Variants in OR51B5 observed in about 807,000 individuals in gnomAD.
The protein encoded by OR51B5 is olfactory receptor 51B5.
For synonymous variants in OR51B5, 186 were observed against 144.8 expected (o/e 1.28, Z -2.04); for missense variants, 456 against 374.6 (o/e 1.22, Z -1.79).
chr11:5,402,529 T>C (rs79081522), intron 1 of OR51B5: 27,891 of 389,294 alleles, frequency 0.072, 1,234 homozygotes, highest in African/African-American at 0.12. Flanking sequence ...TTCTTCATAA[T>C]GATGTCATCT....
intron 1 of OR51B5, among the ~76,000 whole-genome samples, chr11:5,404,230 C>T (rs1051615489): frequency 1.3e-5 from 2 of 152,014 alleles, no homozygotes; most frequent in East Asian, 3.9e-4. Flanking sequence ...TGTAAATGCA[C>T]CAATCAGTTC....
chr11:5,369,479 T>C (rs1849419441), intron 1 of OR51B5, among the ~76,000 whole-genome samples: 1 of 152,160 alleles, frequency 6.6e-6, no homozygotes, highest in Non-Finnish European at 1.5e-5. Context: ...AAAAATAAAA[T>C]CTGATAATTT....
intron 1 of OR51B5, among the ~76,000 whole-genome samples, chr11:5,487,286 A>T (rs1181668201): frequency 6.6e-6 from 1 of 152,120 alleles, no homozygotes; most frequent in African/African-American, 2.4e-5. Flanking sequence ...TTTAGGAAAA[A>T]ATAGGGGAAT....
At chr11:5,386,475 G>A (rs1849697753) in intron 1 of OR51B5, among the ~76,000 whole-genome samples, 1 of 152,208 alleles carries the variant, frequency 6.6e-6, no homozygotes, top group Non-Finnish European at 1.5e-5. Context: ...AAATATTCAT[G>A]ATTATGTCAA....
intron 1 of OR51B5, among the ~76,000 whole-genome samples, chr11:5,444,356 A>G (rs1850733400): frequency 1.3e-5 from 2 of 152,166 alleles, no homozygotes; most frequent in African/African-American, 2.4e-5. Flanking sequence ...TATCCTTGAG[A>G]CAAAAATCTA....
chr11:5,417,839 G>C (rs1850266175), intron 1 of OR51B5, among the ~76,000 whole-genome samples: 1 of 48,208 alleles, frequency 2.1e-5, no homozygotes, highest in Admixed American at 2.9e-4. Context: ...TTGTAAACTA[G>C]TTCAACCATT....
chr11:5,464,293 A>AT (rs1851099773), intron 1 of OR51B5, among the ~76,000 whole-genome samples: 1 of 152,168 alleles, frequency 6.6e-6, no homozygotes, highest in African/African-American at 2.4e-5. Context: ...AAGGTTGATA[A>AT]TTTTTTAATT....
At chr11:5,350,198 A>C (rs1170435979) in intron 1 of OR51B5, among the ~76,000 whole-genome samples, 1 of 152,102 alleles carries the variant, frequency 6.6e-6, no homozygotes, top group Non-Finnish European at 1.5e-5. Flanking sequence ...AGAAGACAGA[A>C]ATCACTAGTA....
intron 1 of OR51B5, among the ~76,000 whole-genome samples, chr11:5,428,570 TTTTATATTAGAAAGTA>T (rs55956299): frequency 0.14 from 21,025 of 152,180 alleles, 1,773 homozygotes; most frequent in Non-Finnish European, 0.19. Context: ...TGTTTTAGCT[TTTTATATTAGAAAGTA>T]CATAAACAAA....
chr11:5,419,465 C>G (rs773876424), intron 1 of OR51B5, among the ~76,000 whole-genome samples: 2 of 152,206 alleles, frequency 1.3e-5, no homozygotes, highest in African/African-American at 2.4e-5. Context: ...TCCATCTACA[C>G]TGAACATGCA....
At chr11:5,502,003 G>C (rs906898415) in intron 1 of OR51B5, among the ~76,000 whole-genome samples, 1 of 150,990 alleles carries the variant, frequency 6.6e-6, no homozygotes, top group African/African-American at 2.4e-5. Flanking sequence ...ACCTGTGAGT[G>C]AATTTCTCCC....
chr11:5,393,670 A>C (rs1448393299), intron 1 of OR51B5, among the ~76,000 whole-genome samples: 2 of 152,162 alleles, frequency 1.3e-5, no homozygotes, highest in Admixed American at 6.5e-5. Flanking sequence ...CACGGTAGAG[A>C]GGGCTGAGTA....
intron 1 of OR51B5, among the ~76,000 whole-genome samples, chr11:5,386,332 A>G (rs1849694729): frequency 6.6e-6 from 1 of 152,188 alleles, no homozygotes; most frequent in Non-Finnish European, 1.5e-5. Flanking sequence ...TGAGGCTACC[A>G]GGGCCATGCA....
At chr11:5,446,282 G>C (rs1283456560) in intron 1 of OR51B5, among the ~76,000 whole-genome samples, 1 of 146,374 alleles carries the variant, frequency 6.8e-6, no homozygotes. Context: ...AAAGAAAGTA[G>C]AATAACTCTC....
chr11:5,449,420 A>G (rs1266805605), intron 1 of OR51B5: 1 of 152,362 alleles, frequency 6.6e-6, no homozygotes, highest in Non-Finnish European at 1.5e-5. Context: ...AGCCTGCTCC[A>G]TGAAAGCATT....
intron 1 of OR51B5, chr11:5,454,305 C>A (rs1401265779): frequency 6.2e-7 from 1 of 1,614,202 alleles, no homozygotes; most frequent in Admixed American, 1.7e-5. Context: ...ATGCTACATA[C>A]ATGTCCTCAT....
chr11:5,451,659 CCT>C (rs1564817483), intron 1 of OR51B5, among the ~76,000 whole-genome samples: 2 of 152,196 alleles, frequency 1.3e-5, no homozygotes, highest in African/African-American at 4.8e-5. Flanking sequence ...CATTCCACAA[CCT>C]CTGTTACTTT....
chr11:5,464,193 T>C (rs201448484), intron 1 of OR51B5, among the ~76,000 whole-genome samples: 2 of 152,236 alleles, frequency 1.3e-5, no homozygotes, highest in African/African-American at 4.8e-5. Flanking sequence ...ATTTGCCAAG[T>C]GGGTTTTTCT....
At chr11:5,408,454 A>T (rs1007579566) in intron 1 of OR51B5, among the ~76,000 whole-genome samples, 3 of 151,474 alleles carry the variant, frequency 2.0e-5, no homozygotes, top group African/African-American at 7.3e-5. Context: ...TAATTTGGAA[A>T]AAATACAGCA....
Sources: gnomAD v4.1 joint callset for allele counts (sites outside exome capture counted in the v4.1 genomes callset) on GRCh38, gnomAD v4.1.1 for gene constraint, MANE v1.5 for transcripts, NCBI Gene and HGNC (gene_info 2026-07-23, HGNC 2026-07-21) for gene names.